Variants in PSTPIP2 observed in about 807,000 individuals in gnomAD.
PSTPIP2 encodes the protein proline-serine-threonine phosphatase-interacting protein 2.
In PSTPIP2, 33 loss-of-function variants were observed where a neutral mutation model predicts 63.3. That is an observed-to-expected ratio of 0.52 (90% CI 0.40 to 0.70). The LOEUF is 0.70. PSTPIP2 is among the 30% of genes least tolerant of loss of function. PSTPIP2 has a pLI of 0.00. For synonymous variants in PSTPIP2, 125 were observed against 132.7 expected, an observed-to-expected ratio of 0.94 and a Z score of 0.40; for missense variants, 312 against 400.7, an observed-to-expected ratio of 0.78 and a Z score of 1.89.
At chr18:46,019,474 C>T (rs1019214536) in intron 3 of PSTPIP2, among the ~76,000 whole-genome samples, 1 of 152,120 alleles carries the variant, frequency 6.6e-6, no homozygotes. Context: ...TCTTATGATA[C>T]AATTTTTCAA....
At chr18:45,987,473 ATGCGAAGACGTGTAGTTCAGAAGTG>A (rs1422546835) in intron 14 of PSTPIP2, among the ~76,000 whole-genome samples, 2 of 147,070 alleles carry the variant, frequency 1.4e-5, no homozygotes, top group African/African-American at 5.1e-5. Flanking sequence ...CTAACAAGAA[ATGCGAAGACGTGTAGTTCAGAAGTG>A]TAGCTCAGTC....
chr18:46,068,385 C>G (rs988626432), intron 1 of PSTPIP2, among the ~76,000 whole-genome samples: 1 of 152,158 alleles, frequency 6.6e-6, no homozygotes, highest in Non-Finnish European at 1.5e-5. Context: ...GCAAGCTCCA[C>G]CTCCCAAGTT....
At chr18:45,990,982 G>A (rs562294788) in intron 12 of PSTPIP2, among the ~76,000 whole-genome samples, 1 of 152,204 alleles carries the variant, frequency 6.6e-6, no homozygotes, top group South Asian at 2.1e-4. Context: ...TAGGAGCACA[G>A]AGCCTTATCC....
At chr18:46,031,178 C>G (rs1414578131) in intron 2 of PSTPIP2, among the ~76,000 whole-genome samples, 1 of 152,164 alleles carries the variant, frequency 6.6e-6, no homozygotes, top group African/African-American at 2.4e-5. Flanking sequence ...GTTGGATTGG[C>G]TTTGTTCTTG....
At chr18:46,002,248 AT>A (rs562207820) in intron 6 of PSTPIP2, among the ~76,000 whole-genome samples, 43 of 152,280 alleles carry the variant, frequency 2.8e-4, no homozygotes, top group Non-Finnish European at 3.5e-4. Flanking sequence ...GGATATATAG[AT>A]TTATGTCTTT....
intron 2 of PSTPIP2, among the ~76,000 whole-genome samples, chr18:46,036,310 C>G (rs115650468): frequency 0.012 from 1,795 of 151,746 alleles, 37 homozygotes; most frequent in African/African-American, 0.04. Flanking sequence ...GTTACAATAA[C>G]TGTTCTCATC....
intron 9 of PSTPIP2, among the ~76,000 whole-genome samples, chr18:45,996,594 A>C (rs986485279): frequency 1.3e-5 from 2 of 151,634 alleles, no homozygotes; most frequent in Non-Finnish European, 2.9e-5. Context: ...AAAGAAAGGG[A>C]GCAGTGGTGA....
chr18:46,045,419 C>T (rs1908348118), intron 1 of PSTPIP2, among the ~76,000 whole-genome samples: 1 of 152,010 alleles, frequency 6.6e-6, no homozygotes, highest in South Asian at 2.1e-4. Context: ...GAACAAAAAA[C>T]CAAACACCAC....
intron 2 of PSTPIP2, among the ~76,000 whole-genome samples, chr18:46,034,514 C>A (rs779478796): frequency 1.4e-4 from 22 of 152,212 alleles, no homozygotes; most frequent in Non-Finnish European, 3.1e-4. Context: ...GTGTTCTTAT[C>A]TGTAAAAGGA....
chr18:46,043,917 G>C (rs757740571), intron 1 of PSTPIP2, among the ~76,000 whole-genome samples: 4 of 152,060 alleles, frequency 2.6e-5, no homozygotes, highest in Non-Finnish European at 4.4e-5. Context: ...AAACTATACA[G>C]GGATAACACA....
intron 6 of PSTPIP2, among the ~76,000 whole-genome samples, chr18:46,004,969 T>C (rs1172103481): frequency 1.3e-5 from 2 of 152,126 alleles, no homozygotes; most frequent in East Asian, 3.9e-4. Context: ...TAAATGCCAA[T>C]CAATGACAGA....
At chr18:46,056,621 G>A (rs758653918) in intron 1 of PSTPIP2, among the ~76,000 whole-genome samples, 8 of 152,266 alleles carry the variant, frequency 5.3e-5, no homozygotes, top group South Asian at 2.1e-4. Flanking sequence ...CAGCTACTCC[G>A]GGGGCTGAGG....
chr18:46,004,681 C>T (rs1036423527), intron 6 of PSTPIP2, among the ~76,000 whole-genome samples: 2 of 152,082 alleles, frequency 1.3e-5, no homozygotes, highest in African/African-American at 4.8e-5. Context: ...AAAGATAACC[C>T]TGTTGCATTT....
chr18:46,022,746 G>T (rs918602070), intron 3 of PSTPIP2, among the ~76,000 whole-genome samples: 5 of 152,186 alleles, frequency 3.3e-5, no homozygotes, highest in Admixed American at 1.3e-4. Context: ...CCATGACCTG[G>T]TCACTTCTGT....
chr18:46,049,472 T>TA lies in PSTPIP2; in HGVS notation c.34-9426dup, dbSNP rs201358462. ...TATCCCTGAACTTAAAATAAAAGTTTAAAAAAAAAAGATATTCAAACAATG... is the reference window on the plus strand; with the variant it reads ...TATCCCTGAACTTAAAATAAAAGTTTAAAAAAAAAAAGATATTCAAACAATG... On this transcript the variant is annotated intron_variant, in intron 1 of 14. Transcript: ENST00000409746. 2.4e-4 allele frequency among the ~76,000 whole-genome samples: 36 copies of TA among 148,274 alleles called. No homozygotes were observed. The East Asian group carries it at 2.7e-3, about 11-fold the overall frequency.
At chr18:46,056,185 G>A (rs1908749186) in intron 1 of PSTPIP2, among the ~76,000 whole-genome samples, 1 of 152,172 alleles carries the variant, frequency 6.6e-6, no homozygotes, top group Admixed American at 6.5e-5. Context: ...CGGCAATGTA[G>A]ATCCCTTAGC....
At position 45,984,710 on chromosome 18, in the gene PSTPIP2, T is replaced by C. The variant is rs1377601329; in HGVS notation, c.*749A>G. 1 of 152,238 alleles carries C rather than the reference T, an allele frequency of 6.6e-6. No homozygotes were observed. Among genetic ancestry groups the C allele is most frequent in the Admixed American group, 6.5e-5 (1 of 15,278 alleles). 9.4% of individuals were successfully genotyped at this position (152,238 alleles called of 1,614,324 possible). A position where few individuals can be genotyped will look rare whatever the true frequency, so the allele number is the denominator to read the frequency against. ...AAATTAGATTAAACATCATGCTCTG[T>C]AGTTCAGCATACACAGGGATCCACA... On this transcript the variant is annotated 3_prime_UTR_variant, in exon 15 of 15. Transcript: ENST00000409746.
intron 4 of PSTPIP2, among the ~76,000 whole-genome samples, chr18:46,012,024 C>G (rs2051801606): frequency 6.6e-6 from 1 of 151,980 alleles, no homozygotes; most frequent in Non-Finnish European, 1.5e-5. Context: ...GAGCAATTAG[C>G]TATATCAAAA....
At chr18:46,071,982 CCTCG>C (rs1568237163) in intron 1 of PSTPIP2, among the ~76,000 whole-genome samples, 170 bp downstream of exon 1, 1 of 152,172 alleles carries the variant, frequency 6.6e-6, no homozygotes, top group Non-Finnish European at 1.5e-5. Context: ...CAAGTCTGCC[CCTCG>C]AGCAGTGGGG....
Sources: allele counts gnomAD v4.1 joint callset (sites outside exome capture counted in the v4.1 genomes callset), GRCh38; gene constraint gnomAD v4.1.1; transcripts MANE v1.5; gene names NCBI Gene and HGNC (gene_info 2026-07-23, HGNC 2026-07-21).